Variants in RBFOX1 observed in about 807,000 individuals in gnomAD.
RBFOX1 encodes RNA binding fox-1 homolog 1, also known as RNA binding protein fox-1 homolog 1.
In RBFOX1, 8 loss-of-function variants were observed where a neutral mutation model predicts 57.7. The ratio of observed to expected loss-of-function variants is 0.14; its 90% CI spans 0.08 to 0.25. The LOEUF (loss-of-function observed/expected upper bound fraction) is 0.25, where lower values mean the gene tolerates loss of function less well. Ranked by LOEUF, RBFOX1 falls within the 10% of genes least tolerant of loss-of-function variation. The pLI, the probability that RBFOX1 is intolerant of heterozygous loss-of-function variation, is 1.00. For synonymous variants in RBFOX1, 326 were observed against 222.4 expected, an observed-to-expected ratio of 1.47 and a Z score of -4.15; for missense variants, 611 against 548.5, an observed-to-expected ratio of 1.11 and a Z score of -1.14.
intron 1 of RBFOX1, among the ~76,000 whole-genome samples, chr16:6,314,927 C>T (rs868052286): frequency 2.6e-5 from 4 of 152,182 alleles, no homozygotes; most frequent in Non-Finnish European, 4.4e-5. Context: ...CTCACCTTTA[C>T]GATGTCAGCT....
chr16:6,695,701 T>G (rs1362832998), intron 3 of RBFOX1, among the ~76,000 whole-genome samples: 2 of 152,218 alleles, frequency 1.3e-5, no homozygotes, highest in East Asian at 3.8e-4. Flanking sequence ...GTCAAGAAAG[T>G]GAATGACTGT....
At chr16:6,070,497 T>C (rs1205507601) in intron 1 of RBFOX1, among the ~76,000 whole-genome samples, 2 of 152,198 alleles carry the variant, frequency 1.3e-5, no homozygotes, top group African/African-American at 4.8e-5. Context: ...AAATATCCCA[T>C]TTCAATGAAG....
rs973960425 is a variant in RBFOX1 at position 6,886,912 on chromosome 16, T to G, written c.-15-165145T>G. ...GCATTAGGTCACTTAGCCAATGAGGTCAGGTGTCTGTGGAAGCAAAACCGT... is the reference window on the plus strand; with the variant it reads ...GCATTAGGTCACTTAGCCAATGAGGGCAGGTGTCTGTGGAAGCAAAACCGT... On this transcript the variant is annotated intron_variant, in intron 3 of 15. Transcript: ENST00000550418. Among the ~76,000 whole-genome samples the G allele has an allele frequency of 1.1e-4, 16 of 152,076 alleles. 1 individual carries two copies. Among genetic ancestry groups the G allele is most frequent in the South Asian group, 2.1e-4 (1 of 4,820 alleles).
At chr16:5,513,537 G>A (rs1394095386) in intron 2 of RBFOX1, among the ~76,000 whole-genome samples, 1 of 152,192 alleles carries the variant, frequency 6.6e-6, no homozygotes, top group African/African-American at 2.4e-5. Context: ...GTCAATATGA[G>A]CAGCTCACAT....
chr16:5,607,973 C>T (rs980436994), intron 3 of RBFOX1, among the ~76,000 whole-genome samples: 2 of 152,192 alleles, frequency 1.3e-5, no homozygotes, highest in African/African-American at 4.8e-5. Context: ...GCTATGTGCA[C>T]TCGTGCACCT....
At position 5,409,430 on chromosome 16, in the gene RBFOX1, T is replaced by A. The variant is rs2066954644; in HGVS notation, c.220-57786T>A. Among the ~76,000 whole-genome samples, 5 of 152,332 alleles carry A rather than the reference T, an allele frequency of 3.3e-5. No individual in the cohort carries two copies. The South Asian group carries it at 1.0e-3, about 32-fold the overall frequency. On this transcript the variant is annotated intron_variant, in intron 1 of 2. Coordinates refer to the RBFOX1 transcript ENST00000585867. ...ATAGACTTTTAGGTCTCCGGAGGCT[T>A]TTTCCCTCTTAACAACAATGTCTTC...
chr16:6,780,523 T>C (rs183916949), intron 3 of RBFOX1, among the ~76,000 whole-genome samples: 4,675 of 107,528 alleles, frequency 0.043, 306 homozygotes, highest in East Asian at 0.3. Flanking sequence ...TATACATTTA[T>C]ATATATTTAT....
chr16:5,758,067 A>T (rs1052296572), intron 3 of RBFOX1, among the ~76,000 whole-genome samples: 8 of 152,178 alleles, frequency 5.3e-5, no homozygotes, highest in Admixed American at 4.6e-4. Context: ...ACGGGACCCA[A>T]GTTGGGTGAT....
intron 3 of RBFOX1, among the ~76,000 whole-genome samples, chr16:6,768,882 T>C (rs1288366080): frequency 6.6e-6 from 1 of 151,870 alleles, no homozygotes; most frequent in Non-Finnish European, 1.5e-5. Flanking sequence ...GCACCCACCG[T>C]CATGCTCGGC....
intron 3 of RBFOX1, among the ~76,000 whole-genome samples, chr16:5,818,758 G>T (rs186574846): frequency 6.6e-6 from 1 of 152,290 alleles, no homozygotes; most frequent in Admixed American, 6.5e-5. Context: ...GGTTACTGCT[G>T]CCTGCAGCTA....
intron 3 of RBFOX1, among the ~76,000 whole-genome samples, chr16:7,026,453 TTTC>T (rs1207499540): frequency 1.3e-5 from 2 of 152,170 alleles, no homozygotes; most frequent in South Asian, 2.1e-4. Context: ...AGACTCTTTT[TTTC>T]TTCTTCTTTC....
At chr16:5,819,419 C>G (rs993512600) in intron 3 of RBFOX1, among the ~76,000 whole-genome samples, 21 of 152,166 alleles carry the variant, frequency 1.4e-4, no homozygotes, top group African/African-American at 4.8e-4. Flanking sequence ...CCTATGGTGC[C>G]TCTCTGCTTC....
rs2097081662 is a variant in RBFOX1 at position 6,183,478 on chromosome 16, T to TC, written c.-126-133517_-126-133516insC. Among the ~76,000 whole-genome samples the TC allele has an allele frequency of 3.4e-5, 4 of 116,376 alleles. No individual in the cohort carries two copies. In the South Asian group the frequency reaches 8.8e-4, roughly 26 times the overall value. The allele number at this position is 116,376 out of a possible 152,430, so 76.3% of individuals were successfully genotyped here. A position where few individuals can be genotyped will look rare whatever the true frequency, so the allele number is the denominator to read the frequency against. On this transcript the variant is annotated intron_variant, in intron 1 of 15. Coordinates refer to ENST00000550418, the MANE Select transcript of RBFOX1 (RefSeq NM_018723.4). ...CTGGGTGACAGAGCAAGGCTCCATCTAAAAAAATTAAATAAATAAATAAAT... is the reference window on the plus strand; with the variant it reads ...CTGGGTGACAGAGCAAGGCTCCATCTCAAAAAAATTAAATAAATAAATAAAT...
chr16:6,751,108 G>A (rs1234036284), intron 3 of RBFOX1, among the ~76,000 whole-genome samples: 2 of 152,110 alleles, frequency 1.3e-5, no homozygotes, highest in Admixed American at 6.6e-5. Context: ...GTAGGACATA[G>A]GTTTGAATAG....
intron 3 of RBFOX1, among the ~76,000 whole-genome samples, chr16:5,823,866 A>G (rs1050436896): frequency 2.0e-5 from 3 of 152,186 alleles, no homozygotes; most frequent in Non-Finnish European, 2.9e-5. Flanking sequence ...ATTTTATTAT[A>G]TATTACAAAG....
chr16:6,735,865 C>G (rs2070103768), intron 3 of RBFOX1, among the ~76,000 whole-genome samples: 1 of 152,056 alleles, frequency 6.6e-6, no homozygotes, highest in Non-Finnish European at 1.5e-5. Context: ...CACAGGCCCT[C>G]CTTCTGAGAC....
intron 1 of RBFOX1, among the ~76,000 whole-genome samples, chr16:5,251,322 A>G (rs1406864662): frequency 6.6e-6 from 1 of 152,224 alleles, no homozygotes; most frequent in African/African-American, 2.4e-5. Context: ...AGCTGCCATG[A>G]GGGTTCAGTG....
chr16:5,959,100 G>A (rs1039152448), intron 4 of RBFOX1, among the ~76,000 whole-genome samples: 2 of 152,248 alleles, frequency 1.3e-5, no homozygotes, highest in African/African-American at 2.4e-5. Flanking sequence ...GGCTTGTTAT[G>A]TGCTACCTGT....
At chr16:6,004,027 G>A (rs887733284) in intron 4 of RBFOX1, among the ~76,000 whole-genome samples, 1 of 152,160 alleles carries the variant, frequency 6.6e-6, no homozygotes, top group African/African-American at 2.4e-5. Flanking sequence ...TGCATACAAG[G>A]TCATGTTGCA....
Sources: gnomAD v4.1 joint callset for allele counts (sites outside exome capture counted in the v4.1 genomes callset) on GRCh38, gnomAD v4.1.1 for gene constraint, MANE v1.5 for transcripts, NCBI Gene and HGNC (gene_info 2026-07-23, HGNC 2026-07-21) for gene names.